FBXL7: variants seen among roughly 807,000 people sequenced by gnomAD.
FBXL7 encodes the protein F-box/LRR-repeat protein 7.
In FBXL7, 12 loss-of-function variants were observed where a neutral mutation model predicts 38.3. That is an observed-to-expected ratio of 0.31 (90% CI 0.20 to 0.51). The LOEUF is 0.51. Ranked by LOEUF, FBXL7 falls within the 20% of genes least tolerant of loss-of-function variation. FBXL7 has a pLI of 0.98. For missense variants in FBXL7, 567 were observed against 676.4 expected (o/e 0.84, Z 1.79); for synonymous variants, 297 against 300.9 (o/e 0.99, Z 0.13).
chr5:15,858,987 T>C (rs2126803986), intron 2 of FBXL7, among the ~76,000 whole-genome samples: 1 of 152,316 alleles, frequency 6.6e-6, no homozygotes, highest in African/African-American at 2.4e-5. Flanking sequence ...TTTAATATGT[T>C]GAAATAAAAC....
chr5:15,851,359 T>C (rs1481190405), intron 2 of FBXL7, among the ~76,000 whole-genome samples: 1 of 152,144 alleles, frequency 6.6e-6, no homozygotes, highest in Non-Finnish European at 1.5e-5. Flanking sequence ...GAATCACTCA[T>C]ACAATAGCAT....
At chr5:15,536,317 C>T (rs1737581154) in intron 1 of FBXL7, among the ~76,000 whole-genome samples, 1 of 152,208 alleles carries the variant, frequency 6.6e-6, no homozygotes, top group Non-Finnish European at 1.5e-5. Context: ...GGACACCATC[C>T]TCCAGACCCC....
chr5:15,927,210 T>G (rs921368590), intron 2 of FBXL7, among the ~76,000 whole-genome samples: 3 of 152,118 alleles, frequency 2.0e-5, no homozygotes, highest in African/African-American at 7.2e-5. Context: ...GTTTACACTC[T>G]GTTTGTGGTA....
intron 2 of FBXL7, among the ~76,000 whole-genome samples, chr5:15,890,351 C>T (rs1004462643): frequency 1.3e-5 from 2 of 152,092 alleles, no homozygotes; most frequent in African/African-American, 2.4e-5. Flanking sequence ...CGGGTTCAAG[C>T]GATTCTCCTG....
chr5:15,657,409 A>G (rs1395649032), intron 2 of FBXL7, among the ~76,000 whole-genome samples: 4 of 152,258 alleles, frequency 2.6e-5, no homozygotes, highest in Non-Finnish European at 5.9e-5. Flanking sequence ...TGCAGTAAAC[A>G]AATAATTCTA....
At chr5:15,585,205 T>C (rs1282200216) in intron 1 of FBXL7, among the ~76,000 whole-genome samples, 1 of 152,162 alleles carries the variant, frequency 6.6e-6, no homozygotes, top group Non-Finnish European at 1.5e-5. Context: ...AGGGGACACA[T>C]TTGTAATTTG....
rs142287224 is a variant in FBXL7 at position 15,532,485 on chromosome 5, A to G, written c.37+31772A>G. 1.9e-3 allele frequency among the ~76,000 whole-genome samples: 288 copies of G among 152,326 alleles called. 1 individual carries two copies. Among genetic ancestry groups the G allele is most frequent in the African/African-American group, 6.7e-3 (278 of 41,578 alleles). Reference sequence around the variant, plus strand: ...GAGATTGTATTCTGATGGACAAATTATTGTCTGTATTCATCAGATTATTTC... The same window carrying G: ...GAGATTGTATTCTGATGGACAAATTGTTGTCTGTATTCATCAGATTATTTC... On this transcript the variant is annotated intron_variant, in intron 1 of 3. Coordinates refer to ENST00000504595, the MANE Select transcript of FBXL7 (RefSeq NM_012304.5).
In FBXL7 at chr5:15,515,015, C is replaced by T. The variant is rs142541929; in HGVS notation, c.37+14302C>T. ...CCTTGCCTTTCATAAGGTGATCCCACGGGTATTTTCCAATAAACCACCTGC... is the reference window on the plus strand; with the variant it reads ...CCTTGCCTTTCATAAGGTGATCCCATGGGTATTTTCCAATAAACCACCTGC... On this transcript the variant is annotated intron_variant, in intron 1 of 3. Coordinates refer to ENST00000504595, the MANE Select transcript of FBXL7 (RefSeq NM_012304.5). 1.8e-3 allele frequency among the ~76,000 whole-genome samples: 271 copies of T among 152,282 alleles called. 2 individuals carry two copies. The highest frequency in any genetic ancestry group is 6.1e-3 in the African/African-American group (255 of 41,562).
intron 2 of FBXL7, among the ~76,000 whole-genome samples, chr5:15,888,813 AT>A (rs1410168440): frequency 2.0e-5 from 3 of 152,186 alleles, no homozygotes; most frequent in South Asian, 2.1e-4. Flanking sequence ...CTGATAATAA[AT>A]TTGGTGAAAA....
In FBXL7 at chr5:15,937,328, T is replaced by C. The variant is rs1156505502; in HGVS notation, c.*142T>C. On this transcript the variant is annotated 3_prime_UTR_variant, in exon 4 of 4. Coordinates refer to ENST00000504595, the MANE Select transcript of FBXL7 (RefSeq NM_012304.5). ...TTATTAGGAATCTGGCCTTTATTTT[T>C]CCTCATTTCTCATGGGCAACAGAGG... The C allele has an allele frequency of 5.6e-6, 6 of 1,074,692 alleles. No individual in the cohort carries two copies. The highest frequency in any genetic ancestry group is 3.2e-5 in the African/African-American group (2 of 62,698). 66.6% of individuals were successfully genotyped at this position (1,074,692 alleles called of 1,614,324 possible).
intron 2 of FBXL7, among the ~76,000 whole-genome samples, chr5:15,709,098 C>T (rs1743776335): frequency 6.6e-6 from 1 of 152,166 alleles, no homozygotes; most frequent in African/African-American, 2.4e-5. Flanking sequence ...ACATTCTTCA[C>T]TGAAAACAGG....
At chr5:15,920,506 G>T (rs1741711556) in intron 2 of FBXL7, among the ~76,000 whole-genome samples, 2 of 151,362 alleles carry the variant, frequency 1.3e-5, no homozygotes, top group Admixed American at 6.6e-5. Context: ...ATCAATGTGG[G>T]TTTGTTATTT....
At chr5:15,555,003 C>T (rs1216945624) in intron 1 of FBXL7, among the ~76,000 whole-genome samples, 2 of 152,146 alleles carry the variant, frequency 1.3e-5, no homozygotes, top group Non-Finnish European at 2.9e-5. Flanking sequence ...TTAAATATGA[C>T]TCAAAGCAAT....
chr5:15,580,115 C>G (rs182514211), intron 1 of FBXL7, among the ~76,000 whole-genome samples: 84 of 152,042 alleles, frequency 5.5e-4, no homozygotes, highest in Admixed American at 5.5e-3. Context: ...AAAGTTCATG[C>G]GAGTGTAGCC....
At chr5:15,925,153 G>A (rs537076754) in intron 2 of FBXL7, among the ~76,000 whole-genome samples, 2 of 152,186 alleles carry the variant, frequency 1.3e-5, no homozygotes, top group Non-Finnish European at 2.9e-5. Flanking sequence ...TATATAGCAG[G>A]TGCGCAAATG....
chr5:15,698,418 A>G (rs1020065288), intron 2 of FBXL7, among the ~76,000 whole-genome samples: 18 of 152,358 alleles, frequency 1.2e-4, no homozygotes, highest in Admixed American at 1.1e-3. Flanking sequence ...CGAAAAAGAA[A>G]AATCTCAGAG....
At chr5:15,500,869 C>T (rs1379766615) in intron 1 of FBXL7, among the ~76,000 whole-genome samples, 156 bp downstream of exon 1, 1 of 152,114 alleles carries the variant, frequency 6.6e-6, no homozygotes, top group African/African-American at 2.4e-5. Context: ...CAGTGAGTGA[C>T]CAGTGAGTAG....
intron 2 of FBXL7, among the ~76,000 whole-genome samples, chr5:15,817,400 A>C (rs1170965726): frequency 6.6e-6 from 1 of 152,068 alleles, no homozygotes; most frequent in Non-Finnish European, 1.5e-5. Context: ...ATAGATAAGG[A>C]GAGTTTAGTG....
At chr5:15,771,631 G>A (rs1385508648) in intron 2 of FBXL7, among the ~76,000 whole-genome samples, 2 of 152,208 alleles carry the variant, frequency 1.3e-5, no homozygotes, top group African/African-American at 4.8e-5. Flanking sequence ...AAAAAGCTGG[G>A]TGCTACTCAA....
Sources: allele counts gnomAD v4.1 joint callset (sites outside exome capture counted in the v4.1 genomes callset), GRCh38; gene constraint gnomAD v4.1.1; transcripts MANE v1.5; gene names NCBI Gene and HGNC (gene_info 2026-07-23, HGNC 2026-07-21).